The following PVT1 variants were observed in gnomAD, a reference collection of about 807,000 sequenced individuals.
The protein encoded by PVT1 is CXCR4/PVT1 fusion.
chr8:127,977,748 C>G (rs1401151654), intron 3 of PVT1, among the ~76,000 whole-genome samples: 1 of 152,114 alleles, frequency 6.6e-6, no homozygotes, highest in African/African-American at 2.4e-5. Context: ...AAAAAGATAC[C>G]TTGTATCAGT....
intron 2 of PVT1, among the ~76,000 whole-genome samples, chr8:127,865,722 T>C (rs1815279731): frequency 6.6e-6 from 1 of 152,230 alleles, no homozygotes; most frequent in Non-Finnish European, 1.5e-5. Context: ...TGTATCATAA[T>C]AAATGTGGGT....
chr8:127,897,154 G>A (rs1307183140), intron 3 of PVT1, among the ~76,000 whole-genome samples: 4 of 152,256 alleles, frequency 2.6e-5, no homozygotes, highest in Non-Finnish European at 4.4e-5. Context: ...CCCCAACCCC[G>A]TTACCCCTGA....
At chr8:127,860,589 C>A (rs1358047961) in intron 2 of PVT1, among the ~76,000 whole-genome samples, 3 of 151,792 alleles carry the variant, frequency 2.0e-5, no homozygotes, top group Non-Finnish European at 4.4e-5. Context: ...ATGGTGAAAC[C>A]CCGTCTCTAC....
chr8:128,058,869 G>A (rs931404290), intron 4 of PVT1, among the ~76,000 whole-genome samples: 2 of 152,088 alleles, frequency 1.3e-5, no homozygotes, highest in African/African-American at 4.8e-5. Context: ...TACCTTTCCA[G>A]CCTCATCTGT....
intron 3 of PVT1, among the ~76,000 whole-genome samples, chr8:127,958,373 G>T (rs1563650260): frequency 6.6e-6 from 1 of 152,088 alleles, no homozygotes; most frequent in Non-Finnish European, 1.5e-5. Context: ...CCGAGTAGGT[G>T]AGACTACAGG....
At chr8:127,996,020 T>C (rs1817100352) in intron 4 of PVT1, among the ~76,000 whole-genome samples, 1 of 152,152 alleles carries the variant, frequency 6.6e-6, no homozygotes, top group Admixed American at 6.5e-5. Context: ...ATACCTCTTA[T>C]TGCCATTCCC....
chr8:127,858,145 C>CT, intron 2 of PVT1, among the ~76,000 whole-genome samples: 1 of 152,256 alleles, frequency 6.6e-6, no homozygotes, highest in Non-Finnish European at 1.5e-5. Context: ...AATCACGGCA[C>CT]TTTGGGAGGC....
chr8:128,043,566 C>T (rs879289434), intron 4 of PVT1, among the ~76,000 whole-genome samples: 4 of 152,126 alleles, frequency 2.6e-5, no homozygotes, highest in Admixed American at 6.5e-5. Context: ...CAGCCCATCC[C>T]CCTGGGATTG....
At chr8:128,038,049 A>G (rs1279508148) in intron 4 of PVT1, among the ~76,000 whole-genome samples, 2 of 152,228 alleles carry the variant, frequency 1.3e-5, no homozygotes, top group Non-Finnish European at 1.5e-5. Context: ...CTGAGTTGAT[A>G]TAATTCTGGC....
At chr8:127,999,622 T>C (rs997890709) in intron 4 of PVT1, among the ~76,000 whole-genome samples, 8 of 152,082 alleles carry the variant, frequency 5.3e-5, no homozygotes, top group African/African-American at 1.9e-4. Flanking sequence ...CCACCACACC[T>C]GGCTAATTTT....
intron 4 of PVT1, among the ~76,000 whole-genome samples, chr8:128,002,614 C>T (rs1431917132): frequency 6.6e-6 from 1 of 152,192 alleles, no homozygotes; most frequent in Non-Finnish European, 1.5e-5. Flanking sequence ...TTTGGCTTGT[C>T]ATTGCATCAT....
intron 4 of PVT1, among the ~76,000 whole-genome samples, chr8:127,998,535 T>TTCTCTCTCTC (rs34462486): frequency 4.3e-4 from 62 of 143,566 alleles, no homozygotes; most frequent in African/African-American, 1.6e-3. Flanking sequence ...CCTTCTTTCT[T>TTCTCTCTCTC]TCTCTCTCTC....
At chr8:127,839,941 C>T (rs1814954113) in intron 2 of PVT1, among the ~76,000 whole-genome samples, 1 of 152,180 alleles carries the variant, frequency 6.6e-6, no homozygotes, top group Non-Finnish European at 1.5e-5. Context: ...TGGTGCCTCC[C>T]ATTGGCTAAA....
intron 2 of PVT1, among the ~76,000 whole-genome samples, chr8:127,860,719 C>G (rs1378958839): frequency 6.8e-6 from 1 of 147,988 alleles, no homozygotes; most frequent in Admixed American, 6.8e-5. Context: ...AAGTCGAGAT[C>G]ACGCCACTGC....
chr8:127,947,521 G>T, intron 3 of PVT1: 1 of 360,854 alleles, frequency 2.8e-6, no homozygotes, highest in East Asian at 7.3e-5. Flanking sequence ...AGCCTGTAGG[G>T]ATTTACAAGG....
At chr8:127,834,008 C>T (rs925264120) in intron 2 of PVT1, among the ~76,000 whole-genome samples, 2 of 152,130 alleles carry the variant, frequency 1.3e-5, no homozygotes, top group East Asian at 3.9e-4. Flanking sequence ...TTGTATCTCA[C>T]TTTAAGCAAA....
intron 3 of PVT1, among the ~76,000 whole-genome samples, chr8:127,975,870 G>GT (rs1816818008): frequency 6.6e-6 from 1 of 152,134 alleles, no homozygotes; most frequent in Admixed American, 6.5e-5. Flanking sequence ...TTTCTAGATG[G>GT]TTTTTTCTGG....
chr8:128,002,972 C>CCTTT (rs1817199797), intron 4 of PVT1, among the ~76,000 whole-genome samples: 2 of 95,986 alleles, frequency 2.1e-5, no homozygotes, highest in Non-Finnish European at 4.1e-5. Flanking sequence ...CCTCCCTCTT[C>CCTTT]CTTCCTTCCT....
At chr8:127,797,789 G>A (rs961065256) in intron 2 of PVT1, among the ~76,000 whole-genome samples, 1 of 152,110 alleles carries the variant, frequency 6.6e-6, no homozygotes, top group Non-Finnish European at 1.5e-5. Flanking sequence ...TTGTGGGGCA[G>A]GGTTGGTTCT....
Sources: allele counts gnomAD v4.1 joint callset (sites outside exome capture counted in the v4.1 genomes callset), GRCh38; gene constraint gnomAD v4.1.1; transcripts MANE v1.5; gene names NCBI Gene and HGNC (gene_info 2026-07-23, HGNC 2026-07-21).